PLAGL1: variants seen among roughly 807,000 people sequenced by gnomAD.
PLAGL1 encodes the protein PLAG1 like zinc finger 1, also known as zinc finger protein PLAGL1.
Under a neutral mutation model 4.6 loss-of-function variants are expected in PLAGL1, and 1 was observed. The observed-to-expected ratio is 0.22, with a 90% CI of 0.08 to 1.03. The LOEUF (loss-of-function observed/expected upper bound fraction) is 1.03. Ranked by LOEUF, PLAGL1 falls within the 50% of genes least tolerant of loss-of-function variation. The pLI, the probability that PLAGL1 is intolerant of heterozygous loss-of-function variation, is 0.58. For missense variants in PLAGL1, 464 were observed against 570.4 expected (o/e 0.81, Z 1.90); for synonymous variants, 240 against 237.8 (o/e 1.01, Z -0.08).
intron 1 of PLAGL1, among the ~76,000 whole-genome samples, chr6:144,031,416 T>G (rs1162351389): frequency 6.6e-6 from 1 of 152,234 alleles, no homozygotes; most frequent in Non-Finnish European, 1.5e-5. Flanking sequence ...GGTCATGAAG[T>G]CTTTGTCTAA....
intron 1 of PLAGL1, among the ~76,000 whole-genome samples, chr6:144,031,197 G>GTTTGTTTTATTCTTGCTGA (rs1796798127): frequency 1.3e-5 from 2 of 152,086 alleles, no homozygotes; most frequent in Non-Finnish European, 2.9e-5. Context: ...TGATGGAATT[G>GTTTGTTTTATTCTTGCTGA]TTTGTTTTAT....
In PLAGL1 at chr6:144,006,873, G is replaced by A. The variant is rs927061125; in HGVS notation, c.-584+1217C>T. On this transcript the variant is annotated intron_variant, in intron 1 of 7. Transcript: ENST00000674357. This position sits in a 1 kb window ranked among gnomAD's most constrained non-coding sequence, Gnocchi z 4.3. ...CACACATTTGTGTATGTATGAAACT[G>A]AGGAGGGGGAGAGAGATTCATAAAG... The A allele has an allele frequency of 1.3e-5, 2 of 152,188 alleles. No individual in the cohort carries two copies. The highest frequency in any genetic ancestry group is 4.8e-5 in the African/African-American group (2 of 41,442). 9.4% of individuals were successfully genotyped at this position (152,188 alleles called of 1,614,324 possible). A position where few individuals can be genotyped will look rare whatever the true frequency, so the allele number is the denominator to read the frequency against.
chr6:143,967,092 G>A (rs1313787695), intron 3 of PLAGL1: 6 of 152,142 alleles, frequency 3.9e-5, no homozygotes, highest in Non-Finnish European at 8.8e-5. Context: ...ACTGGCTTTG[G>A]AGTCAGATGG....
In PLAGL1 at chr6:144,036,530, G is replaced by C. The variant is rs1475925359; in HGVS notation, c.-151+27938C>G. 1 of 170,004 alleles carries C rather than the reference G, an allele frequency of 5.9e-6. No individual in the cohort carries two copies. The highest frequency in any genetic ancestry group is 2.4e-5 in the African/African-American group (1 of 41,546). The allele number at this position is 170,004 out of a possible 1,614,324, so 10.5% of individuals were successfully genotyped here. A position where few individuals can be genotyped will look rare whatever the true frequency, so the allele number is the denominator to read the frequency against. Reference sequence around the variant, plus strand: ...TTTGTGACAGGACAATTACTGCCGCGTGACAGGACTCCAGTCCTGGGGCTG... The same window carrying C: ...TTTGTGACAGGACAATTACTGCCGCCTGACAGGACTCCAGTCCTGGGGCTG... On this transcript the variant is annotated intron_variant, in intron 1 of 3. Transcript: ENST00000437412. This position sits in a 1 kb window ranked among gnomAD's most constrained non-coding sequence, Gnocchi z 5.1.
chr6:143,986,416 T>A (rs1789175233), intron 1 of PLAGL1, among the ~76,000 whole-genome samples: 1 of 152,068 alleles, frequency 6.6e-6, no homozygotes, highest in Non-Finnish European at 1.5e-5. Flanking sequence ...AGCAACAAAC[T>A]GTTCACCAGC....
At position 144,063,875 on chromosome 6, in the gene PLAGL1, C is replaced by T. The variant is rs1396508212; in HGVS notation, c.-151+593G>A. Among the ~76,000 whole-genome samples, 1 of 152,156 alleles carries T rather than the reference C, an allele frequency of 6.6e-6. No homozygotes were observed. Among genetic ancestry groups the T allele is most frequent in the Non-Finnish European group, 1.5e-5 (1 of 68,006 alleles). ...GCGCGCCGCCGGTAATCCGGGGTGACGCCACGGCCCAGGTCTCTTTTCTCC... is the reference window on the plus strand; with the variant it reads ...GCGCGCCGCCGGTAATCCGGGGTGATGCCACGGCCCAGGTCTCTTTTCTCC... On this transcript the variant is annotated intron_variant, in intron 1 of 3. Coordinates refer to the PLAGL1 transcript ENST00000437412. This position sits in a 1 kb window ranked among gnomAD's most constrained non-coding sequence, Gnocchi z 5.7.
intron 1 of PLAGL1, chr6:144,037,106 C>A (rs192822858): frequency 6.4e-6 from 1 of 155,160 alleles, no homozygotes; most frequent in Non-Finnish European, 1.4e-5. Context: ...CATGTAAAGG[C>A]AAGAGTCCAC....
intron 1 of PLAGL1, among the ~76,000 whole-genome samples, chr6:144,026,779 G>T (rs1358025863): frequency 1.3e-5 from 2 of 152,170 alleles, no homozygotes; most frequent in Non-Finnish European, 2.9e-5. Flanking sequence ...TGGATGCCCT[G>T]CAAACCACTG....
intron 7 of PLAGL1, among the ~76,000 whole-genome samples, chr6:143,943,031 A>ATTTTTTTTTTTTTT (rs61216054): frequency 0.028 from 1,800 of 64,562 alleles, 360 homozygotes; most frequent in East Asian, 0.059. Context: ...GGCCTGGCTA[A>ATTTTTTTTTTTTTT]TTTTTTTTTT....
At chr6:143,974,477 A>T (rs865846670) in intron 2 of PLAGL1, among the ~76,000 whole-genome samples, 3 of 152,072 alleles carry the variant, frequency 2.0e-5, no homozygotes, top group Non-Finnish European at 4.4e-5. Flanking sequence ...TATTTTGTAT[A>T]GAGAGCTGAA....
rs964064072 is a variant in PLAGL1 at position 144,006,779 on chromosome 6, A to T, written c.-584+1311T>A. ...TGCTTGTGGACATGTATTAAAATTT[A>T]TCTAGGGCAGTGGCTTTCAAACTTT... On this transcript the variant is annotated intron_variant, in intron 1 of 7. Transcript: ENST00000674357. This position sits in a 1 kb window ranked among gnomAD's most constrained non-coding sequence, Gnocchi z 4.3. 2 of 152,152 alleles carry T rather than the reference A, an allele frequency of 1.3e-5. No homozygotes were observed. The highest frequency in any genetic ancestry group is 4.8e-5 in the African/African-American group (2 of 41,432). 9.4% of individuals were successfully genotyped at this position (152,152 alleles called of 1,614,324 possible).
At chr6:144,029,290 T>C (rs1424913037) in intron 1 of PLAGL1, among the ~76,000 whole-genome samples, 1 of 152,166 alleles carries the variant, frequency 6.6e-6, no homozygotes, top group African/African-American at 2.4e-5. Context: ...AAAAAATTAA[T>C]AAATTCAACC....
intron 1 of PLAGL1, among the ~76,000 whole-genome samples, chr6:144,042,141 T>A (rs1230023779): frequency 6.6e-6 from 1 of 152,226 alleles, no homozygotes; most frequent in Non-Finnish European, 1.5e-5. Context: ...TTCACTCTGA[T>A]GGTAGTTTCT....
chr6:143,946,466 G>A (rs912728936), intron 7 of PLAGL1, among the ~76,000 whole-genome samples: 1 of 152,216 alleles, frequency 6.6e-6, no homozygotes, highest in Admixed American at 6.5e-5. Context: ...ACTCATGCAC[G>A]TGATCAGCAT....
chr6:143,993,834 T>C lies in PLAGL1; in HGVS notation c.-583-8660A>G, dbSNP rs1343354067. On this transcript the variant is annotated intron_variant, in intron 1 of 7. Transcript: ENST00000674357. The stretch of plus-strand genomic sequence containing the variant: ...CAAAAGAAAATTCTAGGGCTGTGTT[T>C]ACTAGCACACAGAATTGACTGGAGA... Among the ~76,000 whole-genome samples, 3 of 152,276 alleles carry C rather than the reference T, an allele frequency of 2.0e-5. No homozygotes were observed. The South Asian group carries it at 6.2e-4, about 32-fold the overall frequency.
chr6:144,058,055 A>G (rs1334833100), intron 1 of PLAGL1, among the ~76,000 whole-genome samples: 1 of 152,204 alleles, frequency 6.6e-6, no homozygotes, highest in Non-Finnish European at 1.5e-5. Flanking sequence ...ATCACTATAC[A>G]GGAATAACTG....
Position 143,954,290 on chromosome 6 carries a change from G to A in PLAGL1, c.-324-5830C>T, listed in dbSNP as rs567007058. On this transcript the variant is annotated intron_variant, in intron 6 of 7. Transcript: ENST00000674357. This position sits in a 1 kb window ranked among gnomAD's most constrained non-coding sequence, Gnocchi z 5.1. The stretch of plus-strand genomic sequence containing the variant: ...AGGGAAAACTGACACAAAAAGTAAC[G>A]GGGAAAAAAAGACTACGGGGGGAAG... Among the ~76,000 whole-genome samples, 85 of 151,960 alleles carry A rather than the reference G, an allele frequency of 5.6e-4. 1 individual carries two copies. The highest frequency in any genetic ancestry group is 2.7e-3 in the South Asian group (13 of 4,798).
At chr6:144,057,586 A>G (rs1799068066) in intron 1 of PLAGL1, among the ~76,000 whole-genome samples, 1 of 152,060 alleles carries the variant, frequency 6.6e-6, no homozygotes, top group Non-Finnish European at 1.5e-5. Flanking sequence ...TTCCAAACCC[A>G]CAAGCTGATA....
chr6:143,967,960 T>TA (rs1784722226), intron 3 of PLAGL1: 1 of 72,084 alleles, frequency 1.4e-5, no homozygotes, highest in Admixed American at 1.8e-4. Context: ...CTGGAATTTT[T>TA]AAAAAATACA....
Sources: gnomAD v4.1 joint callset for allele counts (sites outside exome capture counted in the v4.1 genomes callset) on GRCh38, gnomAD v4.1.1 for gene constraint, Gnocchi (gnomAD v3.1) non-coding constraint, MANE v1.5 for transcripts, NCBI Gene and HGNC (gene_info 2026-07-23, HGNC 2026-07-21) for gene names.